Variants in CSMD1 observed in about 807,000 individuals in gnomAD.
The protein encoded by CSMD1 is CUB and Sushi multiple domains 1.
Under a neutral mutation model 417.5 loss-of-function variants are expected in CSMD1, and 213 were observed. The ratio of observed to expected loss-of-function variants is 0.51; its 90% CI spans 0.46 to 0.57. The LOEUF is 0.57. Ranked by LOEUF, CSMD1 falls within the 20% of genes least tolerant of loss-of-function variation. CSMD1 has a pLI of 0.00. For missense variants in CSMD1, 6,923 were observed against 4,529.7 expected, an observed-to-expected ratio of 1.53 and a Z score of -15.17; for synonymous variants, 2,862 against 1,736.8, an observed-to-expected ratio of 1.65 and a Z score of -16.11.
intron 41 of CSMD1, among the ~76,000 whole-genome samples, chr8:3,119,040 C>A (rs1205606701): frequency 6.6e-6 from 1 of 151,880 alleles, no homozygotes. Context: ...GTTAGCCTGG[C>A]GTGGTGGCGG....
intron 5 of CSMD1, among the ~76,000 whole-genome samples, chr8:3,766,501 C>G (rs370538996): frequency 6.6e-6 from 1 of 152,078 alleles, no homozygotes; most frequent in African/African-American, 2.4e-5. Flanking sequence ...GGGAGACACC[C>G]TTTGCCTCCT....
At chr8:3,657,499 G>A (rs1464544759) in intron 7 of CSMD1, among the ~76,000 whole-genome samples, 1 of 152,120 alleles carries the variant, frequency 6.6e-6, no homozygotes, top group African/African-American at 2.4e-5. Flanking sequence ...TATACACGAT[G>A]GAATACTATG....
At chr8:4,084,531 C>G (rs1490442928) in intron 3 of CSMD1, among the ~76,000 whole-genome samples, 1 of 151,954 alleles carries the variant, frequency 6.6e-6, no homozygotes, top group African/African-American at 2.4e-5. Context: ...TCCTTACTTC[C>G]TCAAGGAAAA....
intron 5 of CSMD1, among the ~76,000 whole-genome samples, chr8:3,864,771 T>A (rs767317681): frequency 5.3e-5 from 8 of 152,208 alleles, no homozygotes; most frequent in Non-Finnish European, 7.3e-5. Context: ...ACCATCGTGG[T>A]TAACTAGATG....
chr8:3,270,874 G>T (rs1801793568), intron 26 of CSMD1, among the ~76,000 whole-genome samples: 1 of 151,766 alleles, frequency 6.6e-6, no homozygotes, highest in Non-Finnish European at 1.5e-5. Flanking sequence ...TCACAATTAT[G>T]GCAGAAGGTA....
chr8:4,088,605 C>T (rs1168388774), intron 3 of CSMD1, among the ~76,000 whole-genome samples: 1 of 152,168 alleles, frequency 6.6e-6, no homozygotes, highest in Admixed American at 6.5e-5. Context: ...TATTCTCTCT[C>T]TCTCCCCTTC....
chr8:3,499,793 C>G (rs1036120145), intron 10 of CSMD1, among the ~76,000 whole-genome samples: 1 of 152,072 alleles, frequency 6.6e-6, no homozygotes, highest in Non-Finnish European at 1.5e-5. Context: ...GGGATGATGG[C>G]TGCGTTCTCA....
At chr8:4,913,104 A>T (rs889742789) in intron 1 of CSMD1, among the ~76,000 whole-genome samples, 1 of 150,638 alleles carries the variant, frequency 6.6e-6, no homozygotes, top group Admixed American at 6.6e-5. Flanking sequence ...CAGCTGCTTT[A>T]AAAAAAATCG....
rs942443951 is a variant in CSMD1, at chr8:4,432,358, C to A, written c.303-12293G>T. On this transcript the variant is annotated intron_variant, in intron 2 of 69. Transcript: ENST00000635120. ...AGGACTGCTTGTAGAATCCCCTTCC[C>A]TGGCTATGAACTTAGTGATTAACCT... Among the ~76,000 whole-genome samples, 4 of 152,142 alleles carry A rather than the reference C, an allele frequency of 2.6e-5. No individual in the cohort carries two copies. The East Asian group carries it at 7.7e-4, about 29-fold the overall frequency.
At position 4,325,292 on chromosome 8, in the gene CSMD1, T is replaced by G. The variant is rs78292743; in HGVS notation, c.415+94661A>C. ...CCTCCCCACTAACCAAGTATTCCAT[T>G]AATTAAATGGCAACCTAGCAAGAAA... On this transcript the variant is annotated intron_variant, in intron 3 of 69. Coordinates refer to ENST00000635120, the MANE Select transcript of CSMD1 (RefSeq NM_033225.6). 3.2e-3 allele frequency among the ~76,000 whole-genome samples: 482 copies of G among 152,310 alleles called. 4 individuals carry two copies. The highest frequency in any genetic ancestry group is 0.011 in the African/African-American group (465 of 41,566).
At chr8:3,911,184 C>T (rs1459222667) in intron 5 of CSMD1, among the ~76,000 whole-genome samples, 1 of 152,126 alleles carries the variant, frequency 6.6e-6, no homozygotes, top group South Asian at 2.1e-4. Context: ...TGCTTCCAGA[C>T]GGGTCTCTGG....
chr8:3,768,986 C>T (rs2623643), intron 5 of CSMD1, among the ~76,000 whole-genome samples: 45,532 of 152,160 alleles, frequency 0.3, 7,877 homozygotes, highest in African/African-American at 0.47. Flanking sequence ...GGCGGATTCC[C>T]GCACAGCAGG....
chr8:3,307,599 T>G, intron 25 of CSMD1, 96 bp downstream of exon 25: 2 of 1,366,610 alleles, frequency 1.5e-6, no homozygotes, highest in South Asian at 2.8e-5. Context: ...GTTCAGAAAC[T>G]TTAACCATGG....
At chr8:3,310,149 T>G (rs1401920655) in intron 23 of CSMD1, among the ~76,000 whole-genome samples, 2 of 152,208 alleles carry the variant, frequency 1.3e-5, no homozygotes, top group Non-Finnish European at 2.9e-5. Flanking sequence ...CACCTCCGGT[T>G]TCAGGGTCAT....
At chr8:4,829,857 G>A (rs192353139) in intron 1 of CSMD1, among the ~76,000 whole-genome samples, 197 of 152,266 alleles carry the variant, frequency 1.3e-3, no homozygotes, top group Non-Finnish European at 1.4e-3. Flanking sequence ...ACAAGGGGCT[G>A]GTCAGAGTGG....
chr8:4,027,989 G>A (rs750837531), intron 4 of CSMD1, among the ~76,000 whole-genome samples: 1 of 152,156 alleles, frequency 6.6e-6, no homozygotes. Flanking sequence ...TCTCTTAAGT[G>A]AGATCAATTA....
At chr8:3,615,510 T>G (rs1446875834) in intron 8 of CSMD1, among the ~76,000 whole-genome samples, 1 of 152,212 alleles carries the variant, frequency 6.6e-6, no homozygotes, top group East Asian at 1.9e-4. Flanking sequence ...GTGTAATAGT[T>G]AACCTATATC....
At chr8:3,876,787 T>A (rs575511992) in intron 5 of CSMD1, among the ~76,000 whole-genome samples, 2 of 152,238 alleles carry the variant, frequency 1.3e-5, no homozygotes, top group South Asian at 2.1e-4. Flanking sequence ...TTTTTAAAAA[T>A]TTTTTGTAGA....
chr8:3,495,495 A>G (rs1327629150), intron 10 of CSMD1, among the ~76,000 whole-genome samples: 1 of 152,220 alleles, frequency 6.6e-6, no homozygotes. Flanking sequence ...GCAAAGGTAG[A>G]CAGAGAAAGT....
Sources: allele counts gnomAD v4.1 joint callset (sites outside exome capture counted in the v4.1 genomes callset), GRCh38; gene constraint gnomAD v4.1.1; transcripts MANE v1.5; gene names NCBI Gene and HGNC (gene_info 2026-07-23, HGNC 2026-07-21).